NR6A1: variants seen among roughly 807,000 people sequenced by gnomAD.
The protein encoded by NR6A1 is retinoic acid receptor-related testis-associated receptor.
NR6A1 carries 7 observed loss-of-function variants against 59.1 expected under a neutral mutation model. The ratio of observed to expected loss-of-function variants is 0.12; its 90% CI spans 0.07 to 0.22. The LOEUF (loss-of-function observed/expected upper bound fraction) is 0.22, where lower values mean the gene tolerates loss of function less well. Among genes scored for constraint, NR6A1 ranks in the 10% least tolerant of loss-of-function variants. NR6A1 has a pLI of 1.00. For missense variants in NR6A1, 468 were observed against 611.6 expected (o/e 0.77, Z 2.48); for synonymous variants, 243 against 236.1 (o/e 1.03, Z -0.27).
At chr9:124,769,774 C>T (rs1291042308) in intron 1 of NR6A1, among the ~76,000 whole-genome samples, 1 of 152,180 alleles carries the variant, frequency 6.6e-6, no homozygotes, top group South Asian at 2.1e-4. Flanking sequence ...GGTTTGCCGC[C>T]GGAGCGTTTG....
intron 2 of NR6A1, among the ~76,000 whole-genome samples, chr9:124,637,195 G>A (rs958748029): frequency 3.9e-5 from 6 of 152,164 alleles, no homozygotes; most frequent in African/African-American, 7.2e-5. Flanking sequence ...ATTCTAGACC[G>A]ACACAGTAGC....
At chr9:124,551,138 AG>A (rs1833766367) in intron 3 of NR6A1, among the ~76,000 whole-genome samples, 1 of 152,060 alleles carries the variant, frequency 6.6e-6, no homozygotes, top group Non-Finnish European at 1.5e-5. Flanking sequence ...GGAATCAACC[AG>A]TTTTCCAATG....
At chr9:124,715,176 G>A (rs1005256256) in intron 2 of NR6A1, among the ~76,000 whole-genome samples, 1 of 150,964 alleles carries the variant, frequency 6.6e-6, no homozygotes, top group Non-Finnish European at 1.5e-5. Flanking sequence ...CCAGCCTGGT[G>A]ACAGAGTGAG....
At chr9:124,765,427 T>C (rs545808902) in intron 1 of NR6A1, among the ~76,000 whole-genome samples, 19 of 152,370 alleles carry the variant, frequency 1.2e-4, no homozygotes, top group African/African-American at 4.1e-4. Flanking sequence ...CGTAAGAATT[T>C]GGCCAGTTTG....
intron 2 of NR6A1, among the ~76,000 whole-genome samples, chr9:124,591,098 A>C (rs1306830689): frequency 6.6e-6 from 1 of 152,224 alleles, no homozygotes; most frequent in Non-Finnish European, 1.5e-5. Flanking sequence ...CTAAATTTCC[A>C]AAGAGCCCCT....
chr9:124,570,012 G>GA (rs1197069480), intron 2 of NR6A1, among the ~76,000 whole-genome samples: 3 of 151,266 alleles, frequency 2.0e-5, no homozygotes, highest in Admixed American at 6.6e-5. Flanking sequence ...TATGCCAAAG[G>GA]AAAAAAAAAT....
intron 7 of NR6A1, among the ~76,000 whole-genome samples, chr9:124,528,078 C>G (rs1832990469): frequency 6.6e-6 from 1 of 152,206 alleles, no homozygotes; most frequent in South Asian, 2.1e-4. Context: ...CAGGCCTGTG[C>G]CAAGCCAAGA....
intron 2 of NR6A1, among the ~76,000 whole-genome samples, chr9:124,714,062 C>G (rs545394072): frequency 5.9e-5 from 9 of 152,196 alleles, no homozygotes; most frequent in African/African-American, 2.2e-4. Context: ...TATTCAGCCT[C>G]AAAAATGAAG....
Position 124,559,670 on chromosome 9 carries a change from G to A in NR6A1, c.143-5100C>T, listed in dbSNP as rs1834024695. ...CACATGCCTGTAATCCCAGCGACTC[G>A]GGAGGCTGAGGCAGGAGAATCACTT... is the stretch of plus-strand genomic sequence containing the variant. On this transcript the variant is annotated intron_variant, in intron 2 of 9. Coordinates refer to ENST00000487099, the MANE Select transcript of NR6A1 (RefSeq NM_033334.4). Among the ~76,000 whole-genome samples, 3 of 152,084 alleles carry A rather than the reference G, an allele frequency of 2.0e-5. No homozygotes were observed. In the South Asian group the frequency reaches 6.2e-4, roughly 32 times the overall value.
rs561248448 is a variant in NR6A1 at position 124,532,131 on chromosome 9, T to C, written c.1079+3747A>G. Among the ~76,000 whole-genome samples the C allele has an allele frequency of 5.3e-5, 8 of 152,348 alleles. No homozygotes were observed. The South Asian group carries it at 6.2e-4, about 12-fold the overall frequency. ...TCATGACCTGTCTTGCCTGTATCTT[T>C]CTCTCTAGTCAATTCTCCCCTCATT... On this transcript the variant is annotated intron_variant, in intron 7 of 9. Transcript: ENST00000487099.
intron 2 of NR6A1, among the ~76,000 whole-genome samples, chr9:124,674,279 T>C (rs561112294): frequency 1.3e-5 from 2 of 152,308 alleles, no homozygotes; most frequent in South Asian, 2.1e-4. Context: ...ACTCAAATGG[T>C]AGATGTTACC....
At chr9:124,671,783 AC>A (rs1837801288) in intron 2 of NR6A1, among the ~76,000 whole-genome samples, 1 of 152,220 alleles carries the variant, frequency 6.6e-6, no homozygotes, top group Non-Finnish European at 1.5e-5. Flanking sequence ...AAACTTTTAA[AC>A]CCAGTTGCTG....
intron 2 of NR6A1, among the ~76,000 whole-genome samples, chr9:124,606,173 C>A (rs1437605468): frequency 6.6e-6 from 1 of 152,134 alleles, no homozygotes; most frequent in African/African-American, 2.4e-5. Flanking sequence ...TGCGCCTTTG[C>A]ATGTAGTGTT....
At chr9:124,675,770 C>T (rs544617395) in intron 2 of NR6A1, among the ~76,000 whole-genome samples, 2 of 152,270 alleles carry the variant, frequency 1.3e-5, no homozygotes, top group African/African-American at 4.8e-5. Flanking sequence ...GCTGGGCAAG[C>T]CTGGTACACT....
intron 2 of NR6A1, among the ~76,000 whole-genome samples, chr9:124,683,042 C>CA (rs1838217430): frequency 6.6e-6 from 1 of 151,794 alleles, no homozygotes; most frequent in Non-Finnish European, 1.5e-5. Context: ...CCTATCTCTG[C>CA]AAAAAATTTA....
intron 1 of NR6A1, among the ~76,000 whole-genome samples, chr9:124,740,144 G>A (rs959496299): frequency 3.3e-5 from 5 of 152,068 alleles, no homozygotes; most frequent in African/African-American, 7.2e-5. Context: ...AATTCAACAC[G>A]CTCTTTGGCC....
chr9:124,542,370 C>A (rs1833473714), intron 4 of NR6A1, among the ~76,000 whole-genome samples: 1 of 152,208 alleles, frequency 6.6e-6, no homozygotes, highest in East Asian at 1.9e-4. Context: ...ATCCCCCAAA[C>A]ATCATCAGTG....
At chr9:124,543,964 A>T in intron 3 of NR6A1, 107 bp from the exon 4 acceptor site, 2 of 832,460 alleles carry the variant, frequency 2.4e-6, no homozygotes, top group East Asian at 4.9e-5. Context: ...TAATTAGTGA[A>T]TCCAACATTA....
intron 1 of NR6A1, among the ~76,000 whole-genome samples, chr9:124,746,111 T>A (rs1300154738): frequency 1.3e-5 from 2 of 151,874 alleles, no homozygotes; most frequent in Non-Finnish European, 2.9e-5. Flanking sequence ...TAAATTACTA[T>A]CTTATTAGAA....
Sources: gnomAD v4.1 joint callset for allele counts (sites outside exome capture counted in the v4.1 genomes callset) on GRCh38, gnomAD v4.1.1 for gene constraint, MANE v1.5 for transcripts, NCBI Gene and HGNC (gene_info 2026-07-23, HGNC 2026-07-21) for gene names.